The following ZNF184 variants were observed in gnomAD, a reference collection of about 807,000 sequenced individuals.
ZNF184 encodes the protein zinc finger protein 184.
A neutral mutation model predicts 54.4 loss-of-function variants in ZNF184; 16 were observed. The observed-to-expected ratio is 0.29, with a 90% CI of 0.20 to 0.45. ZNF184 has a LOEUF of 0.45. Among genes scored for constraint, ZNF184 ranks in the 20% least tolerant of loss-of-function variants. The probability of loss-of-function intolerance (pLI) is 1.00; values close to 1 mark genes in which losing one functional copy is unlikely to be tolerated. For missense variants in ZNF184, 681 were observed against 888.2 expected (o/e 0.77, Z 2.97); for synonymous variants, 254 against 295.3 (o/e 0.86, Z 1.43).
At chr6:27,460,650 G>T (rs1762972568) in intron 3 of ZNF184, among the ~76,000 whole-genome samples, 1 of 152,190 alleles carries the variant, frequency 6.6e-6, no homozygotes, top group Non-Finnish European at 1.5e-5. Context: ...GAATTTGCAG[G>T]ATAGATACTG....
the ZNF184 span, among the ~76,000 whole-genome samples, chr6:27,414,428 C>G: frequency 2.0e-5 from 3 of 152,176 alleles, no homozygotes; most frequent in Non-Finnish European, 4.4e-5. Context: ...CAAGGCCCCA[C>G]ATAGTGTGGT....
At chr6:27,461,894 G>A (rs1294540583) in intron 3 of ZNF184, among the ~76,000 whole-genome samples, 1 of 152,234 alleles carries the variant, frequency 6.6e-6, no homozygotes, top group South Asian at 2.1e-4. Context: ...GTTCCCTCTT[G>A]AGTATTCAGA....
chr6:27,470,022 G>A (rs1003955480), intron 2 of ZNF184, among the ~76,000 whole-genome samples: 3 of 152,204 alleles, frequency 2.0e-5, no homozygotes, highest in African/African-American at 4.8e-5. Context: ...AGGTGCAAGG[G>A]CAATCTCTTT....
In ZNF184 at chr6:27,472,350, G is replaced by T; in HGVS notation, c.-56C>A. 7.4e-6 allele frequency: 12 copies of T among 1,613,042 alleles called. No individual in the cohort carries two copies. Among genetic ancestry groups the T allele is most frequent in the Non-Finnish European group, 6.8e-6 (8 of 1,179,316 alleles). ...TGAACACCAGGGTTCGCCAGGCAGC[G>T]TTCCTTCAGCTGGTATCTCGGTCTA... On this transcript the variant is annotated 5_prime_UTR_variant, in exon 2 of 6. Coordinates refer to ENST00000683788, the MANE Select transcript of ZNF184 (RefSeq NM_001318891.2). The surrounding 1 kb of genome is among the most constrained non-coding windows in gnomAD (Gnocchi z 4.8).
intron 2 of ZNF184, among the ~76,000 whole-genome samples, chr6:27,470,652 T>C (rs558569386): frequency 6.6e-6 from 1 of 152,240 alleles, no homozygotes; most frequent in East Asian, 1.9e-4. Context: ...TCAAGAGAAA[T>C]GTCTCAGGTA....
At chr6:27,457,697 T>C (rs1242079905) in intron 3 of ZNF184, among the ~76,000 whole-genome samples, 1 of 152,224 alleles carries the variant, frequency 6.6e-6, no homozygotes, top group Non-Finnish European at 1.5e-5. Flanking sequence ...ACCATCATCA[T>C]CTCTGTGTTC....
At chr6:27,471,168 C>T (rs1190988104) in intron 2 of ZNF184, among the ~76,000 whole-genome samples, 1 of 152,286 alleles carries the variant, frequency 6.6e-6, no homozygotes, top group East Asian at 1.9e-4. Context: ...AAGCCTCTAT[C>T]CTTACCCTGA....
chr6:27,463,059 A>T (rs1325491221), intron 3 of ZNF184, among the ~76,000 whole-genome samples: 2 of 63,312 alleles, frequency 3.2e-5, no homozygotes, highest in Non-Finnish European at 7.7e-5. Context: ...AAAGACATTT[A>T]AAAAAAAAAA....
chr6:27,423,723 ATATC>A, the ZNF184 span, among the ~76,000 whole-genome samples: 7,314 of 152,302 alleles, frequency 0.048, 248 homozygotes, highest in Non-Finnish European at 0.072. Flanking sequence ...AGATATTTAT[ATATC>A]TATATACAAA....
At chr6:27,414,282 C>T in the ZNF184 span, among the ~76,000 whole-genome samples, 1 of 152,180 alleles carries the variant, frequency 6.6e-6, no homozygotes, top group Non-Finnish European at 1.5e-5. Context: ...CCCCATCGCT[C>T]ATACAGCCTA....
At chr6:27,463,131 G>A (rs182363969) in intron 3 of ZNF184, among the ~76,000 whole-genome samples, 1 of 119,238 alleles carries the variant, frequency 8.4e-6, no homozygotes, top group Non-Finnish European at 1.7e-5. Context: ...GTTGTGGGGT[G>A]GGGGGAGGGG....
At chr6:27,422,148 A>AAAGAAAGAAAG in the ZNF184 span, among the ~76,000 whole-genome samples, 9 of 43,468 alleles carry the variant, frequency 2.1e-4, no homozygotes, top group East Asian at 1.6e-3. Flanking sequence ...CTCAAAAAAA[A>AAAGAAAGAAAG]AAAGAAAGAA....
At chr6:27,432,297 C>T in the ZNF184 span, among the ~76,000 whole-genome samples, 2 of 152,160 alleles carry the variant, frequency 1.3e-5, no homozygotes, top group African/African-American at 4.8e-5. This position sits in a 1 kb window ranked among gnomAD's most constrained non-coding sequence, Gnocchi z 4.0. Context: ...GGATTTGTAG[C>T]AAGTGTGAAG....
chr6:27,447,799 A>G (rs1236891906), downstream of ZNF184, among the ~76,000 whole-genome samples: 4 of 152,206 alleles, frequency 2.6e-5, no homozygotes, highest in Admixed American at 2.6e-4. Flanking sequence ...TTATCACAGG[A>G]GTGACTTAGT....
rs779409085 is a variant in ZNF184 at position 27,452,308 on chromosome 6, C to T, written c.1251G>A (p.Pro417=). The change falls in exon 6 of 6, where the codon CCG becomes CCA. Residue 417 remains proline, a synonymous_variant. Coordinates refer to ENST00000683788, the MANE Select transcript of ZNF184 (RefSeq NM_001318891.2). This position sits in a 1 kb window ranked among gnomAD's most constrained non-coding sequence, Gnocchi z 5.5. ...CTTTCCCACATTCATTGCATTCGTA[C>T]GGTTTTTCACCAGTATGAATCATAT... is the stretch of plus-strand genomic sequence containing the variant. The part of the protein sequence containing the change: ...RHHMIHTGEK[P]YECNECGKAF... 2.1e-5 allele frequency: 34 copies of T among 1,613,102 alleles called. 1 individual carries two copies. The highest frequency in any genetic ancestry group is 6.7e-5 in the African/African-American group (5 of 74,620).
At chr6:27,432,226 CAG>C in the ZNF184 span, among the ~76,000 whole-genome samples, 1 of 152,004 alleles carries the variant, frequency 6.6e-6, no homozygotes, top group Non-Finnish European at 1.5e-5. This position sits in a 1 kb window ranked among gnomAD's most constrained non-coding sequence, Gnocchi z 4.0. Context: ...TAAAAGGAAA[CAG>C]ACAATTACAG....
chr6:27,432,814 A>G, the ZNF184 span, among the ~76,000 whole-genome samples: 1 of 152,202 alleles, frequency 6.6e-6, no homozygotes, highest in Admixed American at 6.5e-5. The surrounding 1 kb of genome is among the most constrained non-coding windows in gnomAD (Gnocchi z 4.0). Context: ...ATCCATGAAT[A>G]GTATTTGACA....
chr6:27,437,879 C>A, the ZNF184 span, among the ~76,000 whole-genome samples: 2 of 152,162 alleles, frequency 1.3e-5, no homozygotes, highest in Non-Finnish European at 2.9e-5. Flanking sequence ...TTTTTATTCT[C>A]TGTAGGAATA....
At chr6:27,457,592 T>A (rs1413453290) in intron 3 of ZNF184, among the ~76,000 whole-genome samples, 183 bp from the exon 4 acceptor site, 2 of 152,230 alleles carry the variant, frequency 1.3e-5, no homozygotes, top group East Asian at 3.9e-4. Context: ...GAGAATTAAA[T>A]AAAACATTCC....
Sources: gnomAD v4.1 joint callset for allele counts (sites outside exome capture counted in the v4.1 genomes callset) on GRCh38, gnomAD v4.1.1 for gene constraint, Gnocchi (gnomAD v3.1) non-coding constraint, MANE v1.5 for transcripts, NCBI Gene and HGNC (gene_info 2026-07-23, HGNC 2026-07-21) for gene names.